The following MCF2L variants were observed in gnomAD, a reference collection of about 807,000 sequenced individuals.
MCF2L encodes the protein MCF.2 cell line derived transforming sequence like.
MCF2L carries 97 observed loss-of-function variants against 153.4 expected under a neutral mutation model. That is an observed-to-expected ratio of 0.63 (90% CI 0.54 to 0.75). The LOEUF is 0.75. Ranked by LOEUF, MCF2L falls within the 30% of genes least tolerant of loss-of-function variation. The probability of loss-of-function intolerance (pLI) is 0.00; values close to 1 mark genes in which losing one functional copy is unlikely to be tolerated. For synonymous variants in MCF2L, 659 were observed against 632.2 expected (o/e 1.04, Z -0.64); for missense variants, 1,347 against 1,495.2 (o/e 0.90, Z 1.64).
chr13:112,994,775 G>A (rs374971531), intron 1 of MCF2L, among the ~76,000 whole-genome samples: 3 of 151,746 alleles, frequency 2.0e-5, no homozygotes, highest in African/African-American at 7.3e-5. Context: ...CCTCCCAAGC[G>A]GTCCCATCTA....
chr13:112,964,766 A>C (rs2081872955), upstream of MCF2L: 1 of 152,254 alleles, frequency 6.6e-6, no homozygotes, highest in Admixed American at 6.5e-5. Flanking sequence ...AAAATTTGTT[A>C]CAAAGAATAG....
chr13:113,058,997 A>AGCGCTG (rs1566819805), intron 4 of MCF2L, among the ~76,000 whole-genome samples: 532 of 28,368 alleles, frequency 0.019, 4 homozygotes, highest in African/African-American at 0.078. Context: ...TTTCAGTGCC[A>AGCGCTG]TTTGGGTGCT....
chr13:113,041,793 G>T (rs2086510493), intron 3 of MCF2L, among the ~76,000 whole-genome samples: 1 of 152,198 alleles, frequency 6.6e-6, no homozygotes, highest in African/African-American at 2.4e-5. Flanking sequence ...GCTGCGCAGG[G>T]CAGGAGGCTG....
At chr13:112,937,638 A>G (rs1268150046) in intron 2 of MCF2L, among the ~76,000 whole-genome samples, 3 of 152,228 alleles carry the variant, frequency 2.0e-5, no homozygotes, top group Non-Finnish European at 2.9e-5. Context: ...AGGTCAATTT[A>G]TGCACATGAA....
chr13:113,090,073 A>T, intron 26 of MCF2L: 7 of 1,556,976 alleles, frequency 4.5e-6, no homozygotes, highest in Non-Finnish European at 6.1e-6. Flanking sequence ...CATAGATGAC[A>T]CGGTCACTAG....
chr13:112,936,018 G>T (rs993007717), intron 2 of MCF2L, among the ~76,000 whole-genome samples: 7 of 152,164 alleles, frequency 4.6e-5, no homozygotes, highest in African/African-American at 1.4e-4. Flanking sequence ...GTTGGCTCTT[G>T]CCTGTAATCC....
At chr13:112,913,421 C>G (rs2081256954) in intron 2 of MCF2L, among the ~76,000 whole-genome samples, 1 of 152,136 alleles carries the variant, frequency 6.6e-6, no homozygotes, top group African/African-American at 2.4e-5. Context: ...GTGTGGCCGT[C>G]ATGATGTCTC....
chr13:113,083,955 C>T (rs769011044), intron 17 of MCF2L, 43 bp from the exon 18 acceptor site: 1 of 1,428,316 alleles, frequency 7.0e-7, no homozygotes, highest in Non-Finnish European at 9.9e-7. Flanking sequence ...GTCCACGTGA[C>T]TCGGCCTGTC....
rs554747569 is a variant in MCF2L, at chr13:112,925,378, T to C, written c.169+23007T>C. On this transcript the variant is annotated intron_variant, in intron 2 of 29. Coordinates refer to the MCF2L transcript ENST00000375608. ...GCCTGCCCTCCGATTCCACCCTAACTGTGCACCCAAAAGGAAGGAGTACTT... is the reference window on the plus strand; with the variant it reads ...GCCTGCCCTCCGATTCCACCCTAACCGTGCACCCAAAAGGAAGGAGTACTT... 1.4e-4 allele frequency among the ~76,000 whole-genome samples: 22 copies of C among 152,274 alleles called. 1 individual carries two copies. Among genetic ancestry groups the C allele is most frequent in the African/African-American group, 5.3e-4 (22 of 41,552 alleles).
At chr13:112,909,200 C>G in intron 2 of MCF2L, 2 of 779,298 alleles carry the variant, frequency 2.6e-6, no homozygotes, top group South Asian at 2.7e-5. Context: ...CGAGGGAGCC[C>G]CTGTAACCAA....
intron 2 of MCF2L, among the ~76,000 whole-genome samples, chr13:112,962,700 G>A (rs533323475): frequency 2.0e-5 from 3 of 152,252 alleles, no homozygotes; most frequent in African/African-American, 4.8e-5. Flanking sequence ...CCGTTCTCCC[G>A]GGACCTCCCC....
chr13:113,064,933 A>G lies in MCF2L; in HGVS notation c.607-3A>G, dbSNP rs2032125258. On this transcript the variant is annotated splice_region_variant and splice_polypyrimidine_tract_variant and intron_variant, in intron 6 of 29. Transcript: ENST00000535094. This position sits in a 1 kb window ranked among gnomAD's most constrained non-coding sequence, Gnocchi z 6.0. ...ATGCAATTGTGTTTTCTCTGTCCCCAAGGCCATCGAAAGTTTCGCCCTCAT... is the reference window on the plus strand; with the variant it reads ...ATGCAATTGTGTTTTCTCTGTCCCCGAGGCCATCGAAAGTTTCGCCCTCAT... 1.2e-6 allele frequency: 2 copies of G among 1,611,816 alleles called. No individual in the cohort carries two copies. The highest frequency in any genetic ancestry group is 1.3e-5 in the African/African-American group (1 of 74,918).
upstream of MCF2L, chr13:112,968,652 G>C (rs138822532): frequency 7.2e-3 from 10,945 of 1,521,058 alleles, 62 homozygotes; most frequent in Non-Finnish European, 8.6e-3. Context: ...CGGCCACACG[G>C]AAGGGGCGCG....
chr13:113,030,097 T>C (rs2085555025), intron 3 of MCF2L, among the ~76,000 whole-genome samples: 1 of 152,164 alleles, frequency 6.6e-6, no homozygotes, highest in South Asian at 2.1e-4. Flanking sequence ...CTGAAATAGG[T>C]TTGCCCCAAA....
chr13:112,915,994 C>T (rs562088333), intron 2 of MCF2L, among the ~76,000 whole-genome samples: 9 of 150,274 alleles, frequency 6.0e-5, no homozygotes, highest in South Asian at 2.1e-4. Flanking sequence ...GTCAGGAGAT[C>T]GAGACCATCC....
chr13:113,037,396 C>T (rs537849483), intron 3 of MCF2L, among the ~76,000 whole-genome samples: 3 of 152,286 alleles, frequency 2.0e-5, no homozygotes, highest in East Asian at 1.9e-4. Flanking sequence ...TTTGTAGGGA[C>T]CTTGGAGAGT....
At chr13:113,088,431 TC>T (rs2034849305) in intron 24 of MCF2L, 26 bp downstream of exon 24, 1 of 1,612,620 alleles carries the variant, frequency 6.2e-7, no homozygotes, top group Non-Finnish European at 8.5e-7. Context: ...AGCGATCGTT[TC>T]CCGTAGCTTC....
chr13:112,901,508 C>T (rs759859110), intron 1 of MCF2L, among the ~76,000 whole-genome samples: 5 of 152,076 alleles, frequency 3.3e-5, no homozygotes, highest in Non-Finnish European at 7.4e-5. Context: ...GCGGGTGGGA[C>T]GCCAACAGTG....
intron 1 of MCF2L, chr13:113,001,713 C>T (rs914000638): frequency 2.2e-6 from 3 of 1,360,350 alleles, no homozygotes; most frequent in East Asian, 3.0e-5. Flanking sequence ...GCTCCTTAAT[C>T]AGGGACATCG....
Sources: allele counts gnomAD v4.1 joint callset (sites outside exome capture counted in the v4.1 genomes callset), GRCh38; gene constraint gnomAD v4.1.1; non-coding constraint Gnocchi (gnomAD v3.1); transcripts MANE v1.5; gene names NCBI Gene and HGNC (gene_info 2026-07-23, HGNC 2026-07-21).